SNED1: variants seen among roughly 807,000 people sequenced by gnomAD.
SNED1 encodes sushi, nidogen and EGF like domains 1.
Under a neutral mutation model 166.7 loss-of-function variants are expected in SNED1, and 81 were observed. The observed-to-expected ratio is 0.49, with a 90% CI of 0.41 to 0.58. The LOEUF is 0.58. Among genes scored for constraint, SNED1 ranks in the 20% least tolerant of loss-of-function variants. The pLI is 0.00. For synonymous variants in SNED1, 762 were observed against 822.0 expected, an observed-to-expected ratio of 0.93 and a Z score of 1.25; for missense variants, 1,604 against 2,000.2, an observed-to-expected ratio of 0.80 and a Z score of 3.78.
At chr2:241,034,827 G>T (rs2061296215) in intron 4 of SNED1, 97 bp downstream of exon 4, 1 of 1,336,012 alleles carries the variant, frequency 7.5e-7, no homozygotes, top group Non-Finnish European at 1.0e-6. Context: ...GATGCTGACG[G>T]GGAGAGCAGG....
At chr2:241,050,830 GT>G (rs67301515) in intron 12 of SNED1, among the ~76,000 whole-genome samples, 2,548 of 152,170 alleles carry the variant, frequency 0.017, 56 homozygotes, top group African/African-American at 0.058. Context: ...TGTACCCAAG[GT>G]GGGGGTCCTA....
chr2:241,053,402 G>A lies in SNED1; in HGVS notation c.2257+76G>A, dbSNP rs540429984. ...ATCCTGGCCATGTGGAGGAGCACAG[G>A]GGCTGCAGGCCCAAGCCTGGATGCC... On this transcript the variant is annotated intron_variant, in intron 16 of 31. Coordinates refer to ENST00000310397, the MANE Select transcript of SNED1 (RefSeq NM_001080437.3). 206 of 1,438,330 alleles carry A rather than the reference G, an allele frequency of 1.4e-4. 1 individual carries two copies. The highest frequency in any genetic ancestry group is 2.0e-4 in the Admixed American group (9 of 46,152). The allele number at this position is 1,438,330 out of a possible 1,614,324, so 89.1% of individuals were successfully genotyped here. A position where few individuals can be genotyped will look rare whatever the true frequency, so the allele number is the denominator to read the frequency against.
At chr2:241,063,140 C>T (rs1414736872) in intron 17 of SNED1, among the ~76,000 whole-genome samples, 2 of 152,252 alleles carry the variant, frequency 1.3e-5, no homozygotes, top group Non-Finnish European at 2.9e-5. Flanking sequence ...CTTCAGGGCG[C>T]AGAGAAGGTG....
chr2:241,083,139 G>A lies in SNED1; in HGVS notation c.4121+775G>A, dbSNP rs186460132. Among the ~76,000 whole-genome samples the A allele has an allele frequency of 2.6e-4, 40 of 152,346 alleles. 1 individual carries two copies. Among genetic ancestry groups the A allele is most frequent in the African/African-American group, 7.7e-4 (32 of 41,570 alleles). ...GGGAAAAAGGACGAGATGACAGGAC[G>A]AGACCAGGAGAGCCTGCTGGGGATG... On this transcript the variant is annotated intron_variant, in intron 29 of 31. Coordinates refer to ENST00000310397, the MANE Select transcript of SNED1 (RefSeq NM_001080437.3).
At chr2:241,047,865 C>A (rs1367916919) in intron 8 of SNED1, among the ~76,000 whole-genome samples, 1 of 152,006 alleles carries the variant, frequency 6.6e-6, no homozygotes, top group Non-Finnish European at 1.5e-5. Context: ...CGGGTGGCTT[C>A]TCTGGTGCTT....
In SNED1 at chr2:241,040,107, C is replaced by G; in HGVS notation, c.1078C>G (p.His360Asp). ...QSPCDTKECQ[H>D]GGQCQVENGS... ...CCCCTGTGACACCAAAGAGTGTCAA[C>G]ATGGTGGCCAGTGCCAGGTGGAGAA... The change falls in exon 7 of 32, where the codon CAT (histidine) becomes GAT (aspartate). Residue 360 changes from histidine (H) to aspartate (D), a missense_variant. Physicochemically the swap from His to Asp is moderately conservative, Grantham distance 81. Transcript: ENST00000310397. The G allele has an allele frequency of 6.3e-7, 1 of 1,597,892 alleles. No individual in the cohort carries two copies.
Position 241,061,504 on chromosome 2 carries a change from G to A in SNED1, c.2258-1287G>A, listed in dbSNP as rs796747840. ...GCTCATTTACGTCAACTGTGTTCCA[G>A]CAATTGCACTTCTGGGTATAAACCT... On this transcript the variant is annotated intron_variant, in intron 16 of 31. Transcript: ENST00000310397. Among the ~76,000 whole-genome samples, 8 of 152,300 alleles carry A rather than the reference G, an allele frequency of 5.3e-5. No homozygotes were observed. The South Asian group carries it at 1.7e-3, about 32-fold the overall frequency.
chr2:241,009,296 G>A (rs866872470), intron 1 of SNED1, among the ~76,000 whole-genome samples: 7 of 152,294 alleles, frequency 4.6e-5, no homozygotes, highest in African/African-American at 1.7e-4. Flanking sequence ...CCAGGCTGGA[G>A]ATGGATGGAA....
At chr2:241,032,567 T>C (rs888587111) in intron 2 of SNED1, among the ~76,000 whole-genome samples, 4 of 151,990 alleles carry the variant, frequency 2.6e-5, no homozygotes, top group Non-Finnish European at 5.9e-5. Flanking sequence ...CACACCAACA[T>C]GGCACATGTA....
Position 241,048,456 on chromosome 2 carries a change from A to G in SNED1, c.1399+16A>G. 1 of 1,584,608 alleles carries G rather than the reference A, an allele frequency of 6.3e-7. No individual in the cohort carries two copies. The highest frequency in any genetic ancestry group is 1.2e-5 in the South Asian group (1 of 85,762). ...TGCAGGGAGAGTGCGTCTGGGCTGC[A>G]AGGGCTGCCGTTTTAGGGCTGGGGC... is the stretch of plus-strand genomic sequence containing the variant. On this transcript the variant is annotated intron_variant, in intron 9 of 31. Coordinates refer to ENST00000310397, the MANE Select transcript of SNED1 (RefSeq NM_001080437.3).
At chr2:241,046,488 G>A (rs2061650402) in intron 8 of SNED1, among the ~76,000 whole-genome samples, 1 of 152,214 alleles carries the variant, frequency 6.6e-6, no homozygotes, top group Admixed American at 6.5e-5. Flanking sequence ...ACCAATTATA[G>A]ATACATACGA....
In SNED1 at chr2:241,069,815, G is replaced by A; in HGVS notation, c.3308-105G>A. The stretch of plus-strand genomic sequence containing the variant: ...ACCATTCTCCATAATAAAGAATCTG[G>A]CTTCCAGCAAGGCTGCGGCAGCCCA... On this transcript the variant is annotated intron_variant, in intron 23 of 31. Coordinates refer to ENST00000310397, the MANE Select transcript of SNED1 (RefSeq NM_001080437.3). The surrounding 1 kb of genome is among the most constrained non-coding windows in gnomAD (Gnocchi z 4.9). 7.6e-7 allele frequency: 1 copy of A among 1,323,738 alleles called. No individual in the cohort carries two copies. The highest frequency in any genetic ancestry group is 1.0e-6 in the Non-Finnish European group (1 of 961,826). 82.0% of individuals were successfully genotyped at this position (1,323,738 alleles called of 1,614,324 possible).
intron 1 of SNED1, among the ~76,000 whole-genome samples, chr2:241,014,429 C>A (rs1484113756): frequency 6.6e-6 from 1 of 152,172 alleles, no homozygotes; most frequent in African/African-American, 2.4e-5. Context: ...GTGGATGCTG[C>A]CCAGGGCCAC....
intron 1 of SNED1, among the ~76,000 whole-genome samples, chr2:241,003,326 G>A (rs1309811910): frequency 4.6e-5 from 7 of 152,302 alleles, no homozygotes; most frequent in African/African-American, 1.7e-4. Context: ...GACAGCCTGG[G>A]GCTGCAGTGG....
At chr2:241,063,814 C>T in intron 18 of SNED1, 114 bp downstream of exon 18, 2 of 887,266 alleles carry the variant, frequency 2.3e-6, no homozygotes, top group Non-Finnish European at 3.5e-6. Flanking sequence ...GGAGAGGGAC[C>T]CCCAGGGCTG....
At chr2:241,067,376 G>A (rs554983755) in intron 21 of SNED1, among the ~76,000 whole-genome samples, 154 of 152,346 alleles carry the variant, frequency 1.0e-3, no homozygotes, top group Admixed American at 1.6e-3. Context: ...GACCAGGCCC[G>A]GATGTGTGCT....
At chr2:241,022,121 G>C (rs1418160967) in intron 1 of SNED1, among the ~76,000 whole-genome samples, 1 of 152,136 alleles carries the variant, frequency 6.6e-6, no homozygotes, top group East Asian at 1.9e-4. Context: ...ATATCTTCTA[G>C]ATATATATCC....
chr2:241,059,631 T>C (rs1337086039), intron 16 of SNED1, among the ~76,000 whole-genome samples: 2 of 151,392 alleles, frequency 1.3e-5, no homozygotes, highest in Non-Finnish European at 2.9e-5. Context: ...GGTCTAACTT[T>C]TAATGTCAAT....
chr2:241,048,027 T>G (rs1190145081), intron 8 of SNED1, among the ~76,000 whole-genome samples: 3 of 152,028 alleles, frequency 2.0e-5, no homozygotes, highest in Admixed American at 6.5e-5. Context: ...CTCCGGTGCT[T>G]CTTGTTCTGT....
Sources: allele counts gnomAD v4.1 joint callset (sites outside exome capture counted in the v4.1 genomes callset), GRCh38; gene constraint gnomAD v4.1.1; non-coding constraint Gnocchi (gnomAD v3.1); transcripts MANE v1.5; gene names NCBI Gene and HGNC (gene_info 2026-07-23, HGNC 2026-07-21).